TMEM255A: variants seen among roughly 807,000 people sequenced by gnomAD.
TMEM255A encodes the protein transmembrane protein 255A.
In TMEM255A, 14 loss-of-function variants were observed where a neutral mutation model predicts 23.5. The observed-to-expected ratio is 0.60, with a 90% confidence interval of 0.39 to 0.93. The LOEUF (loss-of-function observed/expected upper bound fraction) is 0.93. Among genes scored for constraint, TMEM255A ranks in the 40% least tolerant of loss-of-function variants. The pLI is 0.00. For missense variants in TMEM255A, 233 were observed against 261.7 expected (o/e 0.89, Z 0.76); for synonymous variants, 104 against 100.3 (o/e 1.04, Z -0.22).
chrX:120,281,296 T>C (rs781787170), intron 6 of TMEM255A, among the ~76,000 whole-genome samples: 1 of 112,177 alleles, frequency 8.9e-6, no homozygotes, highest in African/African-American at 3.2e-5. Context: ...GATTACCCAA[T>C]GTGGGCTTTT....
At chrX:120,275,503 C>T (rs1556019583) in intron 7 of TMEM255A, among the ~76,000 whole-genome samples, 1 of 111,295 alleles carries the variant, frequency 9.0e-6, no homozygotes, top group Non-Finnish European at 1.9e-5. Flanking sequence ...TTACAAACTG[C>T]CTTTCAGGTT....
Position 120,260,771 on chromosome X carries a change from T to A in TMEM255A, c.*99A>T, listed in dbSNP as rs2057673029. The stretch of plus-strand genomic sequence containing the variant: ...CCTGGCAGGCCATTGTAAAACTTTA[T>A]GCATAAGAGTCACACTTTAAATTTT... On this transcript the variant is annotated 3_prime_UTR_variant, in exon 9 of 9. Coordinates refer to ENST00000371369, the MANE Select transcript of TMEM255A (RefSeq NM_001104544.3). 2.8e-6 allele frequency: 3 copies of A among 1,073,380 alleles called. No individual in the cohort carries two copies. Among genetic ancestry groups the A allele is most frequent in the Non-Finnish European group, 1.2e-6 (1 of 802,936 alleles). The allele number at this position is 1,073,380 out of a possible 1,213,427, so 88.5% of individuals were successfully genotyped here.
rs2058050869 is a variant in TMEM255A, at chrX:120,304,408, G to A, written c.142C>T (p.Leu48Phe). ...IVSVLILTVG[L>F]AATTRTQNVT... ...TTCTGGGTCCTGGTGGTTGCAGCAA[G>A]GCCCACTGTGAGAATTAACACGGAC... The change falls in exon 2 of 9, where the codon CTT (leucine) becomes TTT (phenylalanine). Residue 48 changes from leucine (L) to phenylalanine (F), a missense_variant. Physicochemically the swap from Leu to Phe is conservative, Grantham distance 22 (BLOSUM62 0). Transcript: ENST00000371369. 1.7e-6 allele frequency: 2 copies of A among 1,210,506 alleles called. No individual in the cohort carries two copies. The highest frequency in any genetic ancestry group is 2.2e-6 in the Non-Finnish European group (2 of 894,628).
intron 2 of TMEM255A, among the ~76,000 whole-genome samples, chrX:120,300,893 T>C (rs781859084): frequency 3.7e-5 from 4 of 108,273 alleles, no homozygotes; most frequent in Non-Finnish European, 5.7e-5. Context: ...TTTTTATATA[T>C]ATACTTTTTG....
intron 4 of TMEM255A, among the ~76,000 whole-genome samples, chrX:120,288,970 C>T (rs1556022355): frequency 9.0e-6 from 1 of 111,720 alleles, no homozygotes; most frequent in Non-Finnish European, 1.9e-5. Context: ...GCACAAGACA[C>T]ATAGAGAAGG....
chrX:120,285,178 G>A lies in TMEM255A; in HGVS notation c.461C>T (p.Pro154Leu), dbSNP rs200865271. The part of the protein sequence containing the change: ...CPHLSREFCT[P>L]RIRGNTCFCC... Reference sequence around the variant, plus strand: ...GAAGCAGGTGTTGCCCCGGATGCGAGGTGTGCAGAATTCACGGCTGAGGTG... The same window carrying A: ...GAAGCAGGTGTTGCCCCGGATGCGAAGTGTGCAGAATTCACGGCTGAGGTG... Residue 154 changes from proline (P) to leucine (L), a missense_variant, in exon 6 of 9, where the codon CCT (proline) becomes CTT (leucine). Transcript: ENST00000371369. 1.7e-5 allele frequency: 21 copies of A among 1,209,937 alleles called. No individual in the cohort carries two copies. Among genetic ancestry groups the A allele is most frequent in the Middle Eastern group, 2.3e-4 (1 of 4,302 alleles).
intron 8 of TMEM255A, among the ~76,000 whole-genome samples, chrX:120,261,792 A>G (rs1183888344): frequency 9.0e-6 from 1 of 111,636 alleles, no homozygotes; most frequent in Non-Finnish European, 1.9e-5. Context: ...AATTGGCAGG[A>G]GTCATTTGCC....
intron 6 of TMEM255A, among the ~76,000 whole-genome samples, chrX:120,279,970 T>C (rs782385146): frequency 7.4e-5 from 8 of 107,618 alleles, no homozygotes; most frequent in Admixed American, 6.1e-4. Flanking sequence ...TCTTTTTTTT[T>C]CCTTCCTTCT....
rs782008289 is a variant in TMEM255A at position 120,263,873 on chromosome X, A to AC, written c.820-2846dup. Among the ~76,000 whole-genome samples, 5 of 111,508 alleles carry AC rather than the reference A, an allele frequency of 4.5e-5. No individual in the cohort carries two copies. The South Asian group carries it at 1.9e-3, about 42-fold the overall frequency. ...CAACAGCCTTCTAAGGCTCTCAGCAACCTGTGCCATAAACTGTACCCTCCT... is the reference window on the plus strand; with the variant it reads ...CAACAGCCTTCTAAGGCTCTCAGCAACCCTGTGCCATAAACTGTACCCTCCT... On this transcript the variant is annotated intron_variant, in intron 8 of 8. Transcript: ENST00000371369.
chrX:120,280,978 C>T (rs2057833013), intron 6 of TMEM255A, among the ~76,000 whole-genome samples: 2 of 112,502 alleles, frequency 1.8e-5, no homozygotes, highest in African/African-American at 6.5e-5. Context: ...CTTGGACTCC[C>T]ATAGTCTATT....
chrX:120,283,502 C>A (rs949878992), intron 6 of TMEM255A, among the ~76,000 whole-genome samples: 1 of 111,200 alleles, frequency 9.0e-6, no homozygotes, highest in African/African-American at 3.3e-5. Flanking sequence ...CCACTTGCTG[C>A]CTCTGAATCT....
At chrX:120,305,716 G>A (rs910903022) in intron 1 of TMEM255A, among the ~76,000 whole-genome samples, 6 of 110,736 alleles carry the variant, frequency 5.4e-5, no homozygotes, top group Non-Finnish European at 1.1e-4. Context: ...GAGGAAGGGG[G>A]ACGAGGTCAA....
At chrX:120,268,114 A>T in intron 8 of TMEM255A, 130 bp downstream of exon 8, 1 of 749,120 alleles carries the variant, frequency 1.3e-6, no homozygotes, top group Non-Finnish European at 1.9e-6. Flanking sequence ...GCTGGCCATT[A>T]GGGAGATGCA....
At chrX:120,268,122 G>T in intron 8 of TMEM255A, 122 bp downstream of exon 8, 1 of 812,704 alleles carries the variant, frequency 1.2e-6, no homozygotes, top group East Asian at 3.6e-5. Context: ...TTAGGGAGAT[G>T]CATGGCTACC....
At chrX:120,251,607 T>G in the TMEM255A span, among the ~76,000 whole-genome samples, 1 of 111,874 alleles carries the variant, frequency 8.9e-6, no homozygotes, top group African/African-American at 3.3e-5. Context: ...GAGGTTCAGC[T>G]GCCGCAGGGA....
chrX:120,304,450 C>T lies in TMEM255A; in HGVS notation c.100G>A (p.Val34Met), dbSNP rs782106937. The change falls in exon 2 of 9, where the codon GTG (valine) becomes ATG (methionine). Residue 34 changes from valine (V) to methionine (M), a missense_variant. Coordinates refer to ENST00000371369, the MANE Select transcript of TMEM255A (RefSeq NM_001104544.3). ...RRKRNSIYVT[V>M]TLLIVSVLIL... Reference sequence around the variant, plus strand: ...AACACGGACACAATAAGCAAAGTCACGGTGACATAGATGGAGTTTCGTTTC... The same window carrying T: ...AACACGGACACAATAAGCAAAGTCATGGTGACATAGATGGAGTTTCGTTTC... The T allele has an allele frequency of 2.6e-5, 32 of 1,208,320 alleles. No individual in the cohort carries two copies. Among genetic ancestry groups the T allele is most frequent in the Middle Eastern group, 2.3e-4 (1 of 4,366 alleles).
Position 120,260,128 on chromosome X carries a change from C to T in TMEM255A, c.*742G>A. ...TGTAATAATGCAACATGTAGTAGAA[C>T]CACTGTCTCCTAAGTGATCTACTTA... On this transcript the variant is annotated 3_prime_UTR_variant, in exon 9 of 9. Coordinates refer to ENST00000371369, the MANE Select transcript of TMEM255A (RefSeq NM_001104544.3). The T allele has an allele frequency of 8.1e-6, 6 of 737,830 alleles. No individual in the cohort carries two copies. The highest frequency in any genetic ancestry group is 9.6e-6 in the Non-Finnish European group (6 of 624,034). 60.8% of individuals were successfully genotyped at this position (737,830 alleles called of 1,213,427 possible).
intron 6 of TMEM255A, among the ~76,000 whole-genome samples, chrX:120,281,944 T>C (rs1556020981): frequency 8.9e-6 from 1 of 111,903 alleles, no homozygotes; most frequent in Non-Finnish European, 1.9e-5. Flanking sequence ...GGCCTGTGGG[T>C]TCGAGGGGAC....
At chrX:120,297,573 A>G (rs2058005531) in intron 2 of TMEM255A, among the ~76,000 whole-genome samples, 1 of 110,915 alleles carries the variant, frequency 9.0e-6, no homozygotes, top group Non-Finnish European at 1.9e-5. Flanking sequence ...CTTGCCCCCT[A>G]CTTTGGTCAC....
Sources: allele counts gnomAD v4.1 joint callset (sites outside exome capture counted in the v4.1 genomes callset), GRCh38; gene constraint gnomAD v4.1.1; transcripts MANE v1.5; gene names NCBI Gene and HGNC (gene_info 2026-07-23, HGNC 2026-07-21).